The following LRRTM4 variants were observed in gnomAD, a reference collection of about 807,000 sequenced individuals.
LRRTM4 encodes the protein leucine-rich repeat transmembrane neuronal protein 4.
A neutral mutation model predicts 47.6 loss-of-function variants in LRRTM4; 25 were observed. That is an observed-to-expected ratio of 0.53 (90% CI 0.38 to 0.73). LRRTM4 has a LOEUF of 0.73. LRRTM4 is among the 30% of genes least tolerant of loss of function. The pLI is 0.00. For missense variants in LRRTM4, 638 were observed against 713.4 expected (o/e 0.89, Z 1.20); for synonymous variants, 311 against 269.5 (o/e 1.15, Z -1.51).
chr2:77,173,425 G>GT (rs1673109144), intron 3 of LRRTM4, among the ~76,000 whole-genome samples: 1 of 152,070 alleles, frequency 6.6e-6, no homozygotes, highest in Non-Finnish European at 1.5e-5. Context: ...AACATCTTCT[G>GT]TAATTTTCCT....
chr2:76,990,184 T>A (rs10520176), intron 3 of LRRTM4, among the ~76,000 whole-genome samples: 34 of 151,492 alleles, frequency 2.2e-4, no homozygotes, highest in Non-Finnish European at 4.1e-4. Flanking sequence ...ATCTTAATTT[T>A]GTTTCCACCT....
chr2:77,080,218 A>G (rs1680486358), intron 3 of LRRTM4, among the ~76,000 whole-genome samples: 1 of 152,182 alleles, frequency 6.6e-6, no homozygotes, highest in African/African-American at 2.4e-5. Flanking sequence ...GGCTTCTAGA[A>G]TTCTATGTAC....
intron 3 of LRRTM4, among the ~76,000 whole-genome samples, chr2:76,786,358 A>C (rs1488032578): frequency 6.6e-6 from 1 of 152,152 alleles, no homozygotes; most frequent in African/African-American, 2.4e-5. Context: ...TAAAAAACCC[A>C]CAAATGATGA....
intron 3 of LRRTM4, among the ~76,000 whole-genome samples, chr2:76,831,835 T>C (rs1671360702): frequency 6.6e-6 from 1 of 152,126 alleles, no homozygotes; most frequent in East Asian, 1.9e-4. Context: ...TATGTTTATA[T>C]TTTTGTGCAG....
At chr2:76,756,597 T>C (rs1484301590) in intron 3 of LRRTM4, among the ~76,000 whole-genome samples, 1 of 152,214 alleles carries the variant, frequency 6.6e-6, no homozygotes, top group Non-Finnish European at 1.5e-5. Context: ...CCTACTGTTT[T>C]ATTTCTTGTT....
chr2:76,797,727 C>T (rs1437637747), intron 3 of LRRTM4, among the ~76,000 whole-genome samples: 25 of 151,250 alleles, frequency 1.7e-4, no homozygotes, highest in African/African-American at 3.9e-4. Flanking sequence ...ACCCATCTCA[C>T]GTGCAGAGAC....
chr2:77,272,552 A>G (rs1001167847), intron 3 of LRRTM4, among the ~76,000 whole-genome samples: 1 of 152,108 alleles, frequency 6.6e-6, no homozygotes, highest in Non-Finnish European at 1.5e-5. Flanking sequence ...TTAAATATTA[A>G]GTTTTATTTT....
intron 3 of LRRTM4, among the ~76,000 whole-genome samples, chr2:77,513,260 CT>C (rs1679087904): frequency 6.6e-6 from 1 of 152,236 alleles, no homozygotes; most frequent in African/African-American, 2.4e-5. Context: ...GAAGTTCTTT[CT>C]TTTCTCATTG....
intron 3 of LRRTM4, among the ~76,000 whole-genome samples, chr2:76,940,503 A>C (rs1381106606): frequency 6.6e-6 from 1 of 152,142 alleles, no homozygotes; most frequent in East Asian, 1.9e-4. Context: ...GAGGGTGAGA[A>C]GAGGGAGGGG....
At chr2:76,833,694 T>C (rs1671423216) in intron 3 of LRRTM4, among the ~76,000 whole-genome samples, 1 of 151,946 alleles carries the variant, frequency 6.6e-6, no homozygotes, top group Non-Finnish European at 1.5e-5. Flanking sequence ...CATTATGACT[T>C]CCTAAAGAAA....
chr2:76,949,066 A>G (rs530194967), intron 3 of LRRTM4, among the ~76,000 whole-genome samples: 6 of 151,666 alleles, frequency 4.0e-5, no homozygotes, highest in African/African-American at 1.5e-4. Context: ...CTCTTCTTAC[A>G]ATTAAGAGAA....
chr2:77,157,250 A>T, intron 3 of LRRTM4, among the ~76,000 whole-genome samples: 1 of 152,160 alleles, frequency 6.6e-6, no homozygotes, highest in South Asian at 2.1e-4. Flanking sequence ...TACAGTTTTT[A>T]TAAATGGGGA....
At chr2:76,770,743 CAGA>C (rs1673660348) in intron 3 of LRRTM4, among the ~76,000 whole-genome samples, 3 of 152,316 alleles carry the variant, frequency 2.0e-5, no homozygotes, top group Non-Finnish European at 2.9e-5. Flanking sequence ...AGCAAAGTCA[CAGA>C]AGGTCTTCTA....
At chr2:76,797,951 T>C (rs1201788196) in intron 3 of LRRTM4, among the ~76,000 whole-genome samples, 31 of 150,136 alleles carry the variant, frequency 2.1e-4, no homozygotes, top group East Asian at 5.9e-4. Context: ...TACAGGAGCA[T>C]CCAGATTCAT....
intron 3 of LRRTM4, among the ~76,000 whole-genome samples, chr2:76,853,731 G>A (rs1247835479): frequency 6.6e-6 from 1 of 152,082 alleles, no homozygotes; most frequent in Non-Finnish European, 1.5e-5. Context: ...TATCACAAAA[G>A]GTGTTAAGGT....
chr2:77,170,860 TATTTA>T (rs1378320966), intron 3 of LRRTM4, among the ~76,000 whole-genome samples: 13 of 150,604 alleles, frequency 8.6e-5, no homozygotes, highest in African/African-American at 2.2e-4. Flanking sequence ...ATATATACTT[TATTTA>T]ATTTGTGTGT....
intron 3 of LRRTM4, among the ~76,000 whole-genome samples, chr2:77,184,740 CT>C (rs1364028286): frequency 1.3e-5 from 2 of 152,068 alleles, no homozygotes; most frequent in Admixed American, 6.6e-5. Context: ...AAATTTGTAT[CT>C]CTTTATATAA....
At chr2:77,478,932 T>A (rs1243339133) in intron 3 of LRRTM4, among the ~76,000 whole-genome samples, 1 of 152,206 alleles carries the variant, frequency 6.6e-6, no homozygotes, top group East Asian at 1.9e-4. Context: ...TCTCACTCTC[T>A]TGCCCAGGTT....
rs540832652 is a variant in LRRTM4, at chr2:77,055,563, G to C, written c.1552-306647C>G. 3.9e-5 allele frequency among the ~76,000 whole-genome samples: 6 copies of C among 152,308 alleles called. No homozygotes were observed. In the South Asian group the frequency reaches 8.3e-4, roughly 21 times the overall value. On this transcript the variant is annotated intron_variant, in intron 3 of 3. Transcript: ENST00000409884. ...CAACAGGTGCTGGAGAGGATGTGGA[G>C]AAATAGGAACACTTTTACACTGTTG...
Sources: allele counts gnomAD v4.1 joint callset (sites outside exome capture counted in the v4.1 genomes callset), GRCh38; gene constraint gnomAD v4.1.1; transcripts MANE v1.5; gene names NCBI Gene and HGNC (gene_info 2026-07-23, HGNC 2026-07-21).